GRID2: variants seen among roughly 807,000 people sequenced by gnomAD.
GRID2 encodes glutamate receptor ionotropic, delta-2.
In GRID2, 33 loss-of-function variants were observed where a neutral mutation model predicts 114.8. That is an observed-to-expected ratio of 0.29 (90% CI 0.22 to 0.38). The LOEUF is 0.38. GRID2 is among the 10% of genes least tolerant of loss of function. GRID2 has a pLI of 1.00. For missense variants in GRID2, 1,184 were observed against 1,257.7 expected (o/e 0.94, Z 0.89); for synonymous variants, 505 against 449.9 (o/e 1.12, Z -1.55).
chr4:93,534,624 C>A (rs1161485428), intron 13 of GRID2, among the ~76,000 whole-genome samples: 1 of 151,788 alleles, frequency 6.6e-6, no homozygotes, highest in East Asian at 1.9e-4. Flanking sequence ...TAAATTTGGC[C>A]CCCAAAATAA....
chr4:93,344,442 G>A (rs1417453872), intron 8 of GRID2, among the ~76,000 whole-genome samples: 1 of 151,404 alleles, frequency 6.6e-6, no homozygotes, highest in East Asian at 1.9e-4. Context: ...CTTTATTAAG[G>A]TAAAATTGAC....
chr4:93,514,556 T>C (rs1433879573), intron 12 of GRID2, among the ~76,000 whole-genome samples: 1 of 151,954 alleles, frequency 6.6e-6, no homozygotes, highest in Non-Finnish European at 1.5e-5. Flanking sequence ...AGACCCACAT[T>C]TGAATTCTAG....
intron 13 of GRID2, among the ~76,000 whole-genome samples, chr4:93,605,476 C>T (rs1370988792): frequency 2.0e-5 from 3 of 152,100 alleles, no homozygotes; most frequent in Non-Finnish European, 4.4e-5. Flanking sequence ...TGATGGAACA[C>T]TATGTATAGT....
At chr4:92,812,941 C>G (rs1740726880) in intron 2 of GRID2, among the ~76,000 whole-genome samples, 1 of 152,080 alleles carries the variant, frequency 6.6e-6, no homozygotes, top group Non-Finnish European at 1.5e-5. Context: ...TAGGTAATAT[C>G]CATTTTATGT....
chr4:92,521,346 T>G (rs1724767971), intron 1 of GRID2, among the ~76,000 whole-genome samples: 1 of 151,830 alleles, frequency 6.6e-6, no homozygotes, highest in Non-Finnish European at 1.5e-5. Context: ...GTATAAAAAC[T>G]AAAAATCATA....
chr4:93,425,271 A>G (rs1178254963), intron 10 of GRID2, among the ~76,000 whole-genome samples: 1 of 152,166 alleles, frequency 6.6e-6, no homozygotes, highest in African/African-American at 2.4e-5. Context: ...ATATTCTGAA[A>G]AGGATTGATT....
At chr4:92,432,061 T>C (rs1421814597) in intron 1 of GRID2, among the ~76,000 whole-genome samples, 1 of 152,164 alleles carries the variant, frequency 6.6e-6, no homozygotes, top group African/African-American at 2.4e-5. Flanking sequence ...AGGCGGGGAA[T>C]CTTGTTCTTT....
In GRID2 at chr4:93,216,742, T is replaced by C. The variant is rs1316470121; in HGVS notation, c.794T>C (p.Ile265Thr). 3 of 1,602,700 alleles carry C rather than the reference T, an allele frequency of 1.9e-6. No individual in the cohort carries two copies. The highest frequency in any genetic ancestry group is 2.2e-5 in the South Asian group (2 of 90,736). ...CTTCCACCTCTTATCTTATAGGAAA[T>C]AAACGATGTGGACGTACAGGAACTT... ...DCHWIIINEE[I>T]NDVDVQELVR... Residue 265 changes from isoleucine to threonine, a missense_variant, in exon 6 of 16, where the codon ATA becomes ACA. Around this residue, in one of 3 missense-constraint regions of GRID2, gnomAD observed 455 missense variants for 429.5 expected, o/e 1.06. Transcript: ENST00000282020.
At chr4:93,400,514 T>G (rs977070194) in intron 9 of GRID2, among the ~76,000 whole-genome samples, 22 of 152,020 alleles carry the variant, frequency 1.4e-4, no homozygotes, top group African/African-American at 5.3e-4. Context: ...AAATGACCAA[T>G]TAAGTCATTC....
intron 14 of GRID2, among the ~76,000 whole-genome samples, chr4:93,679,927 C>A (rs1205301263): frequency 6.6e-6 from 1 of 151,108 alleles, no homozygotes; most frequent in Admixed American, 6.6e-5. Flanking sequence ...TAACTAAAAT[C>A]AGAGCAGAAC....
chr4:92,573,045 T>C (rs1335799052), intron 1 of GRID2, among the ~76,000 whole-genome samples: 3 of 152,090 alleles, frequency 2.0e-5, no homozygotes, highest in Non-Finnish European at 4.4e-5. Flanking sequence ...CCTGGTTCAG[T>C]CTTGGGAGAG....
intron 13 of GRID2, among the ~76,000 whole-genome samples, chr4:93,617,015 A>G (rs1741743665): frequency 6.6e-6 from 1 of 152,122 alleles, no homozygotes; most frequent in African/African-American, 2.4e-5. Context: ...ATTCATAAAA[A>G]TCAAGAAGAT....
intron 13 of GRID2, among the ~76,000 whole-genome samples, chr4:93,571,823 G>T (rs1379920217): frequency 6.6e-6 from 1 of 152,232 alleles, no homozygotes; most frequent in Non-Finnish European, 1.5e-5. Flanking sequence ...GGGAAGATAA[G>T]TTTGTGATAA....
intron 8 of GRID2, among the ~76,000 whole-genome samples, chr4:93,295,737 T>G (rs528652018): frequency 6.6e-6 from 1 of 152,348 alleles, no homozygotes; most frequent in African/African-American, 2.4e-5. Flanking sequence ...GTCTCTCTTT[T>G]AATGTCAATT....
At chr4:92,701,181 G>A (rs556215229) in intron 2 of GRID2, among the ~76,000 whole-genome samples, 1 of 152,188 alleles carries the variant, frequency 6.6e-6, no homozygotes, top group Admixed American at 6.5e-5. Flanking sequence ...TAGGGTTGTT[G>A]TGAGAATTAA....
chr4:93,695,039 C>T (rs1045831555), intron 14 of GRID2, among the ~76,000 whole-genome samples: 7 of 151,906 alleles, frequency 4.6e-5, no homozygotes, highest in East Asian at 1.9e-4. Flanking sequence ...GGCATGGTGG[C>T]GGGCGCCATT....
chr4:92,959,897 C>T (rs1009892849), intron 2 of GRID2, among the ~76,000 whole-genome samples: 2 of 151,744 alleles, frequency 1.3e-5, no homozygotes, highest in Non-Finnish European at 2.9e-5. Flanking sequence ...GGAGAAATAC[C>T]TAATGTAGAT....
rs1380513708 is a variant in GRID2, at chr4:92,472,100, A to AT, written c.89-118025dup. Among the ~76,000 whole-genome samples the AT allele has an allele frequency of 1.2e-4, 14 of 115,188 alleles. 4 individuals carry two copies. In the South Asian group the frequency reaches 4.2e-3, roughly 35 times the overall value. The allele number at this position is 115,188 out of a possible 152,430, so 75.6% of individuals were successfully genotyped here. A position where few individuals can be genotyped will look rare whatever the true frequency, so the allele number is the denominator to read the frequency against. ...AGGCGCCCGCCACTACGCCCAGCTAATTTTTTGTATTTTTAGTAGAGACGG... is the reference window on the plus strand; with the variant it reads ...AGGCGCCCGCCACTACGCCCAGCTAATTTTTTTGTATTTTTAGTAGAGACGG... On this transcript the variant is annotated intron_variant, in intron 1 of 15. Coordinates refer to ENST00000282020, the MANE Select transcript of GRID2 (RefSeq NM_001510.4).
chr4:92,917,370 T>G (rs1182696775), intron 2 of GRID2, among the ~76,000 whole-genome samples: 2 of 152,190 alleles, frequency 1.3e-5, no homozygotes, highest in Admixed American at 1.3e-4. Context: ...TTTAATTAGA[T>G]CCCATTTGTC....
Sources: allele counts gnomAD v4.1 joint callset (sites outside exome capture counted in the v4.1 genomes callset), GRCh38; gene constraint gnomAD v4.1.1; regional missense constraint gnomAD v4.1.1; transcripts MANE v1.5; gene names NCBI Gene and HGNC (gene_info 2026-07-23, HGNC 2026-07-21).